The following SKIC3 variants were observed in gnomAD, a reference collection of about 807,000 sequenced individuals.
The protein encoded by SKIC3 is superkiller complex protein 3.
chr5:95,532,108 C>T, the SKIC3 span, among the ~76,000 whole-genome samples: 1 of 152,044 alleles, frequency 6.6e-6, no homozygotes, highest in East Asian at 1.9e-4. Context: ...GACAGACTAC[C>T]TTGACTACAT....
chr5:95,480,032 A>G, the SKIC3 span, among the ~76,000 whole-genome samples: 1 of 152,188 alleles, frequency 6.6e-6, no homozygotes, highest in Non-Finnish European at 1.5e-5. Flanking sequence ...AAAGATTGGT[A>G]CTATGTTAAT....
the SKIC3 span, chr5:95,523,875 C>A: frequency 6.4e-7 from 1 of 1,560,596 alleles, no homozygotes; most frequent in East Asian, 2.3e-5. Flanking sequence ...ATTAAAAGTT[C>A]ATTTAATGAG....
chr5:95,502,139 A>G, the SKIC3 span, among the ~76,000 whole-genome samples: 1 of 152,128 alleles, frequency 6.6e-6, no homozygotes, highest in African/African-American at 2.4e-5. Context: ...GGGTAGTTAC[A>G]GAGGCAATTT....
chr5:95,483,960 T>C, the SKIC3 span, among the ~76,000 whole-genome samples: 6 of 152,152 alleles, frequency 3.9e-5, no homozygotes, highest in Non-Finnish European at 5.9e-5. Context: ...CTGGAAAATA[T>C]AGCATTAAGA....
chr5:95,491,070 T>C, the SKIC3 span: 30 of 1,612,746 alleles, frequency 1.9e-5, no homozygotes, highest in South Asian at 2.9e-4. Context: ...ATAAGTCTTG[T>C]TAAAATCAAC....
At chr5:95,524,533 A>C in the SKIC3 span, 1 of 1,613,884 alleles carries the variant, frequency 6.2e-7, no homozygotes, top group Non-Finnish European at 8.5e-7. Context: ...CAGTATGTTA[A>C]TCCAAGTTGG....
At chr5:95,482,501 G>C in the SKIC3 span, 3 of 1,613,982 alleles carry the variant, frequency 1.9e-6, no homozygotes, top group East Asian at 2.2e-5. Flanking sequence ...GGTTGAGTTG[G>C]ACATGACTGT....
the SKIC3 span, among the ~76,000 whole-genome samples, chr5:95,510,513 C>T: frequency 6.6e-6 from 1 of 152,216 alleles, no homozygotes; most frequent in South Asian, 2.1e-4. Context: ...GATAACATCA[C>T]TATTCAGAGC....
chr5:95,523,890 T>A, the SKIC3 span: 51 of 1,506,358 alleles, frequency 3.4e-5, no homozygotes, highest in Non-Finnish European at 4.4e-5. Context: ...AATGAGTATC[T>A]TTACAAATAC....
chr5:95,517,319 A>T, the SKIC3 span: 1 of 1,612,518 alleles, frequency 6.2e-7, no homozygotes, highest in Non-Finnish European at 8.5e-7. Flanking sequence ...GATGCTGTAG[A>T]GCACTAAAAA....
the SKIC3 span, among the ~76,000 whole-genome samples, chr5:95,476,637 G>A: frequency 1.3e-5 from 2 of 152,156 alleles, no homozygotes; most frequent in Admixed American, 1.3e-4. Flanking sequence ...AATGCCACAA[G>A]AAGGTAAAAT....
chr5:95,532,836 G>A, the SKIC3 span, among the ~76,000 whole-genome samples: 1 of 152,202 alleles, frequency 6.6e-6, no homozygotes, highest in South Asian at 2.1e-4. Flanking sequence ...GTTGGATGCT[G>A]AGTAATAACT....
the SKIC3 span, among the ~76,000 whole-genome samples, chr5:95,544,695 C>T: frequency 5.9e-5 from 9 of 152,160 alleles, no homozygotes; most frequent in African/African-American, 2.2e-4. Flanking sequence ...AACAGCTGAA[C>T]AAAATGCCAT....
chr5:95,550,197 A>G, the SKIC3 span, among the ~76,000 whole-genome samples: 1 of 152,044 alleles, frequency 6.6e-6, no homozygotes, highest in African/African-American at 2.4e-5. Context: ...AACTGCACTT[A>G]AAAAGAGTTA....
chr5:95,498,371 T>C, the SKIC3 span: 7 of 1,614,082 alleles, frequency 4.3e-6, no homozygotes, highest in Admixed American at 6.7e-5. Flanking sequence ...AGAATTTACC[T>C]GTGAACAGCT....
the SKIC3 span, chr5:95,495,172 T>C: frequency 4.4e-5 from 30 of 679,846 alleles, no homozygotes; most frequent in Non-Finnish European, 2.5e-6. Flanking sequence ...CAATTTATTA[T>C]TGTTGTTTGA....
chr5:95,469,981 C>CAA, the SKIC3 span: 1 of 1,275,692 alleles, frequency 7.8e-7, no homozygotes, highest in South Asian at 1.4e-5. Context: ...CAATTCAATT[C>CAA]TTTTTTTTTT....
chr5:95,519,257 C>T, the SKIC3 span, among the ~76,000 whole-genome samples: 1 of 151,920 alleles, frequency 6.6e-6, no homozygotes, highest in Non-Finnish European at 1.5e-5. Flanking sequence ...CTTCATTTTT[C>T]TCTTCTCGAG....
chr5:95,494,773 C>G, the SKIC3 span: 3 of 1,613,526 alleles, frequency 1.9e-6, no homozygotes, highest in Non-Finnish European at 2.5e-6. Context: ...ACTGATTTAC[C>G]GCAGTGTACA....
Sources: allele counts gnomAD v4.1 joint callset (sites outside exome capture counted in the v4.1 genomes callset), GRCh38; gene constraint gnomAD v4.1.1; transcripts MANE v1.5; gene names NCBI Gene and HGNC (gene_info 2026-07-23, HGNC 2026-07-21).